The following NEK1 variants were observed in gnomAD, a reference collection of about 807,000 sequenced individuals.
NEK1 encodes serine/threonine-protein kinase Nek1.
NEK1 carries 137 observed loss-of-function variants against 182.1 expected under a neutral mutation model. That is an observed-to-expected ratio of 0.75 (90% CI 0.65 to 0.87). The LOEUF (loss-of-function observed/expected upper bound fraction) is 0.87. Among genes scored for constraint, NEK1 ranks in the 40% least tolerant of loss-of-function variants. The probability of loss-of-function intolerance (pLI) is 0.00; values close to 1 mark genes in which losing one functional copy is unlikely to be tolerated. For missense variants in NEK1, 1,391 were observed against 1,494.4 expected, an observed-to-expected ratio of 0.93 and a Z score of 1.14; for synonymous variants, 513 against 492.2, an observed-to-expected ratio of 1.04 and a Z score of -0.56.
intron 32 of NEK1, among the ~76,000 whole-genome samples, chr4:169,402,893 G>A (rs941620732): frequency 2.0e-5 from 3 of 151,600 alleles, no homozygotes; most frequent in Non-Finnish European, 4.4e-5. Context: ...GTAGACTAAA[G>A]GAGTTAACTG....
chr4:169,525,191 C>T (rs1158150433), intron 19 of NEK1, among the ~76,000 whole-genome samples: 5 of 152,068 alleles, frequency 3.3e-5, no homozygotes, highest in East Asian at 3.9e-4. Context: ...TGCAGTGGTG[C>T]GATCTTGGCT....
chr4:169,487,616 A>G (rs1178719156), intron 23 of NEK1, among the ~76,000 whole-genome samples: 2 of 152,232 alleles, frequency 1.3e-5, no homozygotes, highest in African/African-American at 4.8e-5. Flanking sequence ...TAGTGCTGCA[A>G]TGAACATACG....
rs938511802 is a variant in NEK1 at position 169,491,743 on chromosome 4, G to A, written c.2008-12209C>T. ...TATTCCATTACTGCAACAATGGTGT[G>A]TAAATCTCTCAAATTGCTATTATAA... On this transcript the variant is annotated intron_variant, in intron 23 of 35. Coordinates refer to ENST00000507142, the MANE Select transcript of NEK1 (RefSeq NM_001199397.3). 2.6e-5 allele frequency among the ~76,000 whole-genome samples: 4 copies of A among 152,292 alleles called. No homozygotes were observed. The South Asian group carries it at 6.2e-4, about 24-fold the overall frequency.
At chr4:169,599,037 A>C in intron 5 of NEK1, 63 bp downstream of exon 5, 2 of 1,281,870 alleles carry the variant, frequency 1.6e-6, no homozygotes, top group Non-Finnish European at 2.2e-6. Context: ...ATACACACAT[A>C]AACAAATTTT....
intron 18 of NEK1, among the ~76,000 whole-genome samples, chr4:169,539,157 C>T (rs866580729): frequency 6.6e-6 from 1 of 152,130 alleles, no homozygotes; most frequent in Non-Finnish European, 1.5e-5. Context: ...AGTTTCACAT[C>T]GCTAAATCCA....
chr4:169,559,006 A>C (rs1694440765), intron 16 of NEK1, among the ~76,000 whole-genome samples: 1 of 152,200 alleles, frequency 6.6e-6, no homozygotes, highest in African/African-American at 2.4e-5. Flanking sequence ...TTCAATGAGG[A>C]ATAAATATAG....
chr4:169,426,977 A>G (rs776981576), intron 29 of NEK1, among the ~76,000 whole-genome samples: 11 of 152,202 alleles, frequency 7.2e-5, no homozygotes, highest in Non-Finnish European at 1.5e-4. Flanking sequence ...CCTGGGAATT[A>G]AATTCATGCA....
At position 169,561,802 on chromosome 4, in the gene NEK1, A is replaced by T. The variant is rs764944363; in HGVS notation, c.1140+30T>A. The T allele has an allele frequency of 3.7e-6, 6 of 1,605,868 alleles. No homozygotes were observed. In the East Asian group the frequency reaches 1.3e-4, roughly 36 times the overall value. On this transcript the variant is annotated intron_variant, in intron 14 of 35. Transcript: ENST00000507142. ...ACCTATTATCACTTAACAACTTGCCAAAGGTAGAAAAACAAGAGCAAAAAA... is the reference window on the plus strand; with the variant it reads ...ACCTATTATCACTTAACAACTTGCCTAAGGTAGAAAAACAAGAGCAAAAAA...
intron 23 of NEK1, among the ~76,000 whole-genome samples, chr4:169,492,461 C>T (rs1248948515): frequency 6.6e-6 from 1 of 151,914 alleles, no homozygotes; most frequent in Non-Finnish European, 1.5e-5. Flanking sequence ...TCTCTGCTCC[C>T]CTCACCCCTC....
intron 23 of NEK1, among the ~76,000 whole-genome samples, chr4:169,482,689 A>G (rs1378320617): frequency 6.6e-6 from 1 of 151,530 alleles, no homozygotes; most frequent in African/African-American, 2.4e-5. Context: ...GCTGGAGTGC[A>G]ATGGGGTGCA....
chr4:169,431,594 T>C (rs1053239505), intron 29 of NEK1, among the ~76,000 whole-genome samples: 4 of 151,780 alleles, frequency 2.6e-5, no homozygotes, highest in African/African-American at 9.7e-5. Context: ...GATTTACATG[T>C]AAAAAAATCA....
intron 19 of NEK1, among the ~76,000 whole-genome samples, chr4:169,530,141 C>T (rs1342721232): frequency 6.6e-6 from 1 of 152,124 alleles, no homozygotes; most frequent in Non-Finnish European, 1.5e-5. Flanking sequence ...AATGGATAAA[C>T]AAACTGTTGT....
intron 19 of NEK1, among the ~76,000 whole-genome samples, chr4:169,515,514 T>A (rs1371953591): frequency 1.4e-5 from 2 of 145,818 alleles, no homozygotes; most frequent in Non-Finnish European, 1.5e-5. Flanking sequence ...TTTTTTTTTT[T>A]ATTATACTCT....
chr4:169,485,098 T>C (rs1350580205), intron 23 of NEK1, among the ~76,000 whole-genome samples: 1 of 152,204 alleles, frequency 6.6e-6, no homozygotes, highest in African/African-American at 2.4e-5. Context: ...AATTTGAGCA[T>C]TGTGAGAGAC....
At chr4:169,552,569 A>G (rs1277027318) in intron 18 of NEK1, among the ~76,000 whole-genome samples, 2 of 152,136 alleles carry the variant, frequency 1.3e-5, no homozygotes, top group Non-Finnish European at 2.9e-5. Flanking sequence ...ACTTTTCAAC[A>G]TCATATTGGA....
chr4:169,497,103 G>A (rs1168917153), intron 23 of NEK1, among the ~76,000 whole-genome samples: 1 of 151,712 alleles, frequency 6.6e-6, no homozygotes, highest in African/African-American at 2.4e-5. Flanking sequence ...GTCTATTCAG[G>A]GATTCAACTT....
intron 23 of NEK1, among the ~76,000 whole-genome samples, chr4:169,493,223 C>T (rs1457723484): frequency 6.6e-6 from 1 of 152,050 alleles, no homozygotes; most frequent in African/African-American, 2.4e-5. Flanking sequence ...CTAAAAGCAC[C>T]CAGAAAAGAA....
At chr4:169,560,604 C>T (rs994547954) in intron 16 of NEK1, among the ~76,000 whole-genome samples, 23 of 152,040 alleles carry the variant, frequency 1.5e-4, no homozygotes, top group African/African-American at 5.5e-4. Context: ...GTGTATACCG[C>T]AGTTGAGAAT....
At chr4:169,576,718 A>T in intron 12 of NEK1, 2 of 382,752 alleles carry the variant, frequency 5.2e-6, no homozygotes, top group Non-Finnish European at 9.4e-6. Context: ...TTATTACACT[A>T]ATTATATTAC....
Sources: allele counts gnomAD v4.1 joint callset (sites outside exome capture counted in the v4.1 genomes callset), GRCh38; gene constraint gnomAD v4.1.1; transcripts MANE v1.5; gene names NCBI Gene and HGNC (gene_info 2026-07-23, HGNC 2026-07-21).